The following SLC27A6 variants were observed in gnomAD, a reference collection of about 807,000 sequenced individuals.
SLC27A6 encodes the protein solute carrier family 27 member 6.
In SLC27A6, 74 loss-of-function variants were observed where a neutral mutation model predicts 63.9. The ratio of observed to expected loss-of-function variants is 1.16; its 90% CI spans 0.96 to 1.40. SLC27A6 has a LOEUF of 1.40. SLC27A6 is among the 40% of genes most tolerant of loss of function. The pLI is 0.00. For missense variants in SLC27A6, 794 were observed against 732.9 expected, an observed-to-expected ratio of 1.08 and a Z score of -0.96; for synonymous variants, 287 against 260.8, an observed-to-expected ratio of 1.10 and a Z score of -0.97.
At chr5:128,969,594 G>C (rs1304827866) in intron 1 of SLC27A6, among the ~76,000 whole-genome samples, 1 of 152,154 alleles carries the variant, frequency 6.6e-6, no homozygotes, top group Non-Finnish European at 1.5e-5. Context: ...AGGAATGCTT[G>C]TGATTTTTGC....
Position 128,966,571 on chromosome 5 carries a change from T to C in SLC27A6, c.434T>C (p.Leu145Pro), listed in dbSNP as rs1006011645. ...LNTNIRSNSL[L>P]NCIRACGPRA... ...ACCAACATTCGCTCCAACTCCCTCC[T>C]GAATTGCATCCGCGCCTGTGGGCCC... The change falls in exon 1 of 10, where the codon CTG becomes CCG. Residue 145 changes from leucine (L) to proline (P), a missense_variant. Transcript: ENST00000262462. The C allele has an allele frequency of 6.4e-7, 1 of 1,557,676 alleles. No individual in the cohort carries two copies. The highest frequency in any genetic ancestry group is 8.6e-7 in the Non-Finnish European group (1 of 1,158,410).
At chr5:129,004,774 C>T (rs912876466) in intron 4 of SLC27A6, among the ~76,000 whole-genome samples, 7 of 152,306 alleles carry the variant, frequency 4.6e-5, no homozygotes, top group African/African-American at 1.7e-4. Context: ...TTCACAGTAT[C>T]TCAAAACTGT....
chr5:128,977,013 G>A (rs1369191145), intron 1 of SLC27A6, among the ~76,000 whole-genome samples: 2 of 152,146 alleles, frequency 1.3e-5, no homozygotes, highest in Non-Finnish European at 2.9e-5. Flanking sequence ...TGGGAGTGAT[G>A]ATTAGTAACA....
chr5:128,979,380 AAAG>A (rs1264940314), intron 1 of SLC27A6, among the ~76,000 whole-genome samples: 3 of 152,238 alleles, frequency 2.0e-5, no homozygotes, highest in East Asian at 1.9e-4. Context: ...CTCTGGCCAA[AAAG>A]AAGAAGGTTC....
At chr5:128,990,025 A>T (rs1027398251) in intron 3 of SLC27A6, among the ~76,000 whole-genome samples, 1 of 151,964 alleles carries the variant, frequency 6.6e-6, no homozygotes, top group Non-Finnish European at 1.5e-5. Flanking sequence ...CTTGGCTTCT[A>T]TGAAGAAGGA....
rs371617478 is a variant in SLC27A6, at chr5:128,974,131, G to A, written c.481+7513G>A. On this transcript the variant is annotated intron_variant, in intron 1 of 9. Coordinates refer to ENST00000262462, the MANE Select transcript of SLC27A6 (RefSeq NM_001017372.3). Reference sequence around the variant, plus strand: ...ATTCGTCTTAAAGTACATAGGACTGGCTACTTCTCAAGATAGAGCATTCAG... The same window carrying A: ...ATTCGTCTTAAAGTACATAGGACTGACTACTTCTCAAGATAGAGCATTCAG... 3.9e-4 allele frequency among the ~76,000 whole-genome samples: 60 copies of A among 152,310 alleles called. 2 individuals are homozygous for A. The South Asian group carries it at 0.012, about 31-fold the overall frequency.
chr5:128,966,583 G>T lies in SLC27A6; in HGVS notation c.446G>T (p.Arg149Leu). 1 of 1,544,772 alleles carries T rather than the reference G, an allele frequency of 6.5e-7. No individual in the cohort carries two copies. Among genetic ancestry groups the T allele is most frequent in the Non-Finnish European group, 8.7e-7 (1 of 1,153,266 alleles). ...IRSNSLLNCIRACGPRALVVG... is the reference protein window; with the variant it reads ...IRSNSLLNCILACGPRALVVG... ...TCCAACTCCCTCCTGAATTGCATCC[G>T]CGCCTGTGGGCCCAGAGCCCTAGTG... is the stretch of plus-strand genomic sequence containing the variant. The change falls in exon 1 of 10, where the codon CGC (arginine) becomes CTC (leucine). Residue 149 changes from arginine (R) to leucine (L), a missense_variant. Coordinates refer to ENST00000262462, the MANE Select transcript of SLC27A6 (RefSeq NM_001017372.3).
intron 4 of SLC27A6, among the ~76,000 whole-genome samples, chr5:129,008,241 T>A (rs1751611672): frequency 6.6e-6 from 1 of 152,094 alleles, no homozygotes; most frequent in African/African-American, 2.4e-5. Flanking sequence ...GAAAGAAAAA[T>A]TTTTTAAAAA....
At position 128,985,289 on chromosome 5, in the gene SLC27A6, C is replaced by T. The variant is rs1323828177; in HGVS notation, c.638C>T (p.Ser213Leu). ...GTGCCACGCAGCCACCATGTTGTCT[C>T]ACTCCTCAAGTCTACTTGTCTTTAC... ...EPVPRSHHVV[S>L]LLKSTCLYIF... Residue 213 changes from serine (S) to leucine (L), a missense_variant, in exon 2 of 10, where the codon TCA becomes TTA. Physicochemically the swap from Ser to Leu is moderately radical, Grantham distance 145. Transcript: ENST00000262462. 6.2e-7 allele frequency: 1 copy of T among 1,614,138 alleles called. No homozygotes were observed. The highest frequency in any genetic ancestry group is 8.5e-7 in the Non-Finnish European group (1 of 1,180,022).
At chr5:129,028,276 A>C (rs897757514) in intron 7 of SLC27A6, 69 bp from the exon 8 acceptor site, 9 of 1,018,724 alleles carry the variant, frequency 8.8e-6, no homozygotes, top group Non-Finnish European at 1.4e-5. Context: ...CAAGACATTA[A>C]AACTAAAACT....
chr5:128,970,871 T>C (rs1186471480), intron 1 of SLC27A6, among the ~76,000 whole-genome samples: 2 of 151,858 alleles, frequency 1.3e-5, no homozygotes, highest in African/African-American at 2.4e-5. Flanking sequence ...TTTAGATCTT[T>C]CCTGCTTTCT....
intron 1 of SLC27A6, among the ~76,000 whole-genome samples, chr5:128,984,057 A>G (rs547644942): frequency 1.1e-3 from 168 of 152,336 alleles, no homozygotes; most frequent in African/African-American, 4.0e-3. Flanking sequence ...ATAGCATATT[A>G]TAGAAATAAG....
chr5:128,998,145 C>T (rs1751221071), intron 4 of SLC27A6, among the ~76,000 whole-genome samples: 1 of 147,656 alleles, frequency 6.8e-6, no homozygotes, highest in African/African-American at 2.5e-5. Context: ...AAAAATTAGC[C>T]AGGGGTGGTG....
chr5:129,025,674 GATGATGATATGATGGTGTTGGTGAT>G (rs1353329040), intron 6 of SLC27A6, among the ~76,000 whole-genome samples: 1 of 152,128 alleles, frequency 6.6e-6, no homozygotes, highest in Non-Finnish European at 1.5e-5. Flanking sequence ...TGATGGTGAT[GATGATGATATGATGGTGTTGGTGAT>G]ATGATGATAT....
chr5:128,969,769 T>C (rs1750066101), intron 1 of SLC27A6, among the ~76,000 whole-genome samples: 1 of 152,210 alleles, frequency 6.6e-6, no homozygotes, highest in African/African-American at 2.4e-5. Context: ...TTCTCCTGCC[T>C]GATTGCCCTG....
chr5:128,966,087 G>A lies in SLC27A6; in HGVS notation c.-51G>A. The A allele has an allele frequency of 1.3e-6, 2 of 1,513,128 alleles. No homozygotes were observed. Among genetic ancestry groups the A allele is most frequent in the East Asian group, 4.5e-5 (2 of 44,048 alleles). 93.7% of individuals were successfully genotyped at this position (1,513,128 alleles called of 1,614,324 possible). The stretch of plus-strand genomic sequence containing the variant: ...GTGGAGAGCTGTGCCTGGAAGAGAA[G>A]GACGCTGGTGGGGGCTGAGATCAGA... On this transcript the variant is annotated 5_prime_UTR_variant, in exon 1 of 10. Coordinates refer to ENST00000262462, the MANE Select transcript of SLC27A6 (RefSeq NM_001017372.3).
At chr5:129,032,647 G>T (rs1752448368) in intron 9 of SLC27A6, among the ~76,000 whole-genome samples, 1 of 151,890 alleles carries the variant, frequency 6.6e-6, no homozygotes. Flanking sequence ...ACCCCTCTGG[G>T]TATATTTAAG....
chr5:128,998,433 T>G (rs1171923972), intron 4 of SLC27A6, among the ~76,000 whole-genome samples: 2 of 152,096 alleles, frequency 1.3e-5, no homozygotes, highest in Non-Finnish European at 2.9e-5. Context: ...GAAAACTAAT[T>G]GGTCTTTGAC....
At chr5:129,013,180 C>T (rs1184998968) in intron 4 of SLC27A6, among the ~76,000 whole-genome samples, 1 of 151,990 alleles carries the variant, frequency 6.6e-6, no homozygotes, top group African/African-American at 2.4e-5. Context: ...ATTCTATCTT[C>T]AAATAGCATA....
Sources: gnomAD v4.1 joint callset for allele counts (sites outside exome capture counted in the v4.1 genomes callset) on GRCh38, gnomAD v4.1.1 for gene constraint, MANE v1.5 for transcripts, NCBI Gene and HGNC (gene_info 2026-07-23, HGNC 2026-07-21) for gene names.